FBXL4: variants seen among roughly 807,000 people sequenced by gnomAD.
FBXL4 encodes F-box/LRR-repeat protein 4.
A neutral mutation model predicts 58.9 loss-of-function variants in FBXL4; 40 were observed. The observed-to-expected ratio is 0.68, with a 90% CI of 0.53 to 0.88. The LOEUF (loss-of-function observed/expected upper bound fraction) is 0.88, where lower values mean the gene tolerates loss of function less well. Among genes scored for constraint, FBXL4 ranks in the 40% least tolerant of loss-of-function variants. The probability of loss-of-function intolerance (pLI) is 0.00; values close to 1 mark genes in which losing one functional copy is unlikely to be tolerated. For synonymous variants in FBXL4, 263 were observed against 265.5 expected (o/e 0.99, Z 0.09); for missense variants, 676 against 734.4 (o/e 0.92, Z 0.92).
intron 1 of FBXL4, among the ~76,000 whole-genome samples, chr6:98,941,398 G>A (rs1315645234): frequency 2.0e-5 from 3 of 151,498 alleles, no homozygotes; most frequent in Admixed American, 6.6e-5. Flanking sequence ...GATTGCCCAG[G>A]GTTAAGGGAA....
intron 7 of FBXL4, among the ~76,000 whole-genome samples, chr6:98,887,329 A>G (rs986339178): frequency 6.6e-6 from 1 of 152,204 alleles, no homozygotes; most frequent in Non-Finnish European, 1.5e-5. Context: ...CAAGAATACT[A>G]TATTAACCTG....
intron 4 of FBXL4, among the ~76,000 whole-genome samples, chr6:98,922,290 T>C (rs1172821787): frequency 6.6e-6 from 1 of 152,202 alleles, no homozygotes; most frequent in Non-Finnish European, 1.5e-5. Flanking sequence ...CTGGTAGAAC[T>C]ACCTGTAACT....
At chr6:98,893,783 A>C (rs1454984826) in intron 7 of FBXL4, among the ~76,000 whole-genome samples, 1 of 139,416 alleles carries the variant, frequency 7.2e-6, no homozygotes, top group African/African-American at 2.7e-5. Context: ...GTGAAAATAC[A>C]TAAGAAATCA....
intron 1 of FBXL4, among the ~76,000 whole-genome samples, chr6:98,940,383 CA>C (rs1773390368): frequency 6.6e-6 from 1 of 152,168 alleles, no homozygotes; most frequent in South Asian, 2.1e-4. Flanking sequence ...TTTCTAGTAT[CA>C]AGCCATTTCC....
intron 1 of FBXL4, among the ~76,000 whole-genome samples, chr6:98,935,795 C>CAAAAAAAAA (rs372124984): frequency 9.4e-5 from 11 of 117,568 alleles, no homozygotes; most frequent in East Asian, 2.4e-4. Context: ...GACTCCGTCT[C>CAAAAAAAAA]AAAAAAAAAA....
intron 4 of FBXL4, among the ~76,000 whole-genome samples, chr6:98,918,817 C>T (rs1772471022): frequency 6.6e-6 from 1 of 151,998 alleles, no homozygotes; most frequent in Non-Finnish European, 1.5e-5. Context: ...GCCAATAGTA[C>T]ATAAGAATGA....
intron 8 of FBXL4, 96 bp from the exon 9 acceptor site, chr6:98,875,823 C>T: frequency 1.6e-6 from 2 of 1,222,768 alleles, no homozygotes; most frequent in Non-Finnish European, 2.3e-6. Flanking sequence ...TATTGCTTTG[C>T]TTCCATGTAA....
chr6:98,911,376 C>T (rs897703752), intron 5 of FBXL4, among the ~76,000 whole-genome samples: 7 of 152,168 alleles, frequency 4.6e-5, no homozygotes, highest in African/African-American at 1.7e-4. Flanking sequence ...AGACTGCCTC[C>T]TCAAGTGGGT....
chr6:98,934,304 G>A (rs759440804), intron 2 of FBXL4, among the ~76,000 whole-genome samples: 5 of 151,908 alleles, frequency 3.3e-5, no homozygotes, highest in Non-Finnish European at 7.4e-5. Flanking sequence ...GAGAGAAGAG[G>A]CGGAGAATGG....
Position 98,874,135 on chromosome 6 carries a change from T to C in FBXL4, c.*143A>G. 1.7e-6 allele frequency: 1 copy of C among 584,058 alleles called. No individual in the cohort carries two copies. Among genetic ancestry groups the C allele is most frequent in the Non-Finnish European group, 2.8e-6 (1 of 360,834 alleles). The allele number at this position is 584,058 out of a possible 1,614,324, so 36.2% of individuals were successfully genotyped here. ...CATTTGTGCACATTTTTACTTGATT[T>C]AATGGACAATTTCATATTTTTCTTT... On this transcript the variant is annotated 3_prime_UTR_variant, in exon 10 of 10. Transcript: ENST00000369244.
At position 98,899,282 on chromosome 6, in the gene FBXL4, G is replaced by T. The variant is rs201889294; in HGVS notation, c.1303C>A (p.Arg435=). The change falls in exon 7 of 10, where the codon CGA becomes AGA. Residue 435 remains arginine, a synonymous_variant. Coordinates refer to ENST00000369244, the MANE Select transcript of FBXL4 (RefSeq NM_001278716.2). ...ATTACTCTCACCTCTACTTTTGTTC[G>T]ATAGAGAACAAGTCGTTTAAGGCTG... ...LCSLKRLVLY[R]TKVEQTALLS... is the part of the protein sequence containing the mutation. The T allele has an allele frequency of 4.3e-6, 7 of 1,613,652 alleles. No individual in the cohort carries two copies. In the African/African-American group the frequency reaches 5.3e-5, roughly 12 times the overall value.
chr6:98,896,610 C>T (rs1370677260), intron 7 of FBXL4: 1 of 250,500 alleles, frequency 4.0e-6, no homozygotes. Context: ...TTAAGTCAAC[C>T]ATAGATCACT....
intron 7 of FBXL4, among the ~76,000 whole-genome samples, chr6:98,889,095 A>AAT (rs1213691693): frequency 2.0e-5 from 3 of 152,244 alleles, no homozygotes; most frequent in African/African-American, 7.2e-5. Context: ...AAACAGCAAA[A>AAT]TATTATAACA....
intron 8 of FBXL4, among the ~76,000 whole-genome samples, chr6:98,877,125 T>C (rs535612346): frequency 1.5e-3 from 226 of 152,208 alleles, no homozygotes; most frequent in Middle Eastern, 3.4e-3. Context: ...GGCTGCATTT[T>C]TGAGTTAGAA....
At chr6:98,895,291 A>T (rs1428623944) in intron 7 of FBXL4, among the ~76,000 whole-genome samples, 1 of 152,240 alleles carries the variant, frequency 6.6e-6, no homozygotes, top group Non-Finnish European at 1.5e-5. Context: ...TAAGACTTCA[A>T]ACTAAGCTTG....
intron 4 of FBXL4, among the ~76,000 whole-genome samples, chr6:98,923,971 C>A (rs1554221867): frequency 6.6e-6 from 1 of 150,984 alleles, no homozygotes; most frequent in African/African-American, 2.4e-5. Context: ...CTTTTTTTCT[C>A]TTAAAATGTA....
rs960876262 is a variant in FBXL4, at chr6:98,870,232, A to G, written c.*4046T>C. The G allele has an allele frequency of 2.6e-5, 4 of 152,214 alleles. No individual in the cohort carries two copies. The highest frequency in any genetic ancestry group is 4.4e-5 in the Non-Finnish European group (3 of 68,038). 9.4% of individuals were successfully genotyped at this position (152,214 alleles called of 1,614,324 possible). ...TTTATAAAATTAGGAATGGGCAAACATGGATTAACTGACTCGAAAATACTC... is the reference window on the plus strand; with the variant it reads ...TTTATAAAATTAGGAATGGGCAAACGTGGATTAACTGACTCGAAAATACTC... On this transcript the variant is annotated 3_prime_UTR_variant, in exon 10 of 10. Coordinates refer to ENST00000369244, the MANE Select transcript of FBXL4 (RefSeq NM_001278716.2).
rs534502111 is a variant in FBXL4, at chr6:98,936,501, A to T, written c.-308-1622T>A. On this transcript the variant is annotated intron_variant, in intron 1 of 9. Coordinates refer to ENST00000369244, the MANE Select transcript of FBXL4 (RefSeq NM_001278716.2). ...TCTCTGCGATCTCTGAAACAGCAAG[A>T]CTGACCCATCCTCTTCCTCCCTCTT... Among the ~76,000 whole-genome samples, 47 of 152,350 alleles carry T rather than the reference A, an allele frequency of 3.1e-4. No homozygotes were observed. In the South Asian group the frequency reaches 8.5e-3, roughly 28 times the overall value.
intron 7 of FBXL4, chr6:98,897,120 T>C: frequency 2.0e-6 from 2 of 982,096 alleles, no homozygotes; most frequent in Non-Finnish European, 2.4e-6. Flanking sequence ...ATTTAATAAT[T>C]ATGCCTGCTA....
Sources: allele counts gnomAD v4.1 joint callset (sites outside exome capture counted in the v4.1 genomes callset), GRCh38; gene constraint gnomAD v4.1.1; transcripts MANE v1.5; gene names NCBI Gene and HGNC (gene_info 2026-07-23, HGNC 2026-07-21).